CCDC152: variants seen among roughly 807,000 people sequenced by gnomAD.
CCDC152 encodes the protein coiled-coil domain containing 152.
Under a neutral mutation model 38.1 loss-of-function variants are expected in CCDC152, and 37 were observed. The ratio of observed to expected loss-of-function variants is 0.97; its 90% CI spans 0.75 to 1.28. CCDC152 has a LOEUF of 1.28. CCDC152 is among the 50% of genes most tolerant of loss of function. The probability of loss-of-function intolerance (pLI) is 0.00; values close to 1 mark genes in which losing one functional copy is unlikely to be tolerated. For missense variants in CCDC152, 259 were observed against 292.1 expected, an observed-to-expected ratio of 0.89 and a Z score of 0.83; for synonymous variants, 83 against 87.1, an observed-to-expected ratio of 0.95 and a Z score of 0.26.
intron 6 of CCDC152, among the ~76,000 whole-genome samples, chr5:42,795,290 G>C (rs540136095): frequency 5.3e-5 from 8 of 152,306 alleles, no homozygotes; most frequent in African/African-American, 1.9e-4. Flanking sequence ...AAAGCAAGAA[G>C]CAGTTCTAGA....
chr5:42,791,336 T>C (rs1012061880), intron 6 of CCDC152, among the ~76,000 whole-genome samples: 6 of 152,248 alleles, frequency 3.9e-5, no homozygotes, highest in African/African-American at 1.4e-4. Context: ...AGTTAAGCAC[T>C]ATCATCTGGC....
intron 4 of CCDC152, among the ~76,000 whole-genome samples, chr5:42,773,337 A>C (rs1265856884): frequency 6.6e-6 from 1 of 152,184 alleles, no homozygotes; most frequent in Admixed American, 6.5e-5. Flanking sequence ...ATTCTTATTT[A>C]TCTTTATTTT....
chr5:42,778,574 A>C (rs1485630769), intron 4 of CCDC152, among the ~76,000 whole-genome samples: 1 of 152,222 alleles, frequency 6.6e-6, no homozygotes, highest in East Asian at 1.9e-4. Flanking sequence ...TACCCAAACC[A>C]AAAACCTAAA....
chr5:42,787,770 C>A (rs1759942076), intron 6 of CCDC152, among the ~76,000 whole-genome samples: 1 of 152,006 alleles, frequency 6.6e-6, no homozygotes, highest in African/African-American at 2.4e-5. Context: ...AGAATATCAA[C>A]CCCTGTTCTT....
At chr5:42,797,116 C>G (rs1760086570) in intron 7 of CCDC152, among the ~76,000 whole-genome samples, 160 bp downstream of exon 7, 1 of 152,238 alleles carries the variant, frequency 6.6e-6, no homozygotes, top group Non-Finnish European at 1.5e-5. Flanking sequence ...GCAGTAATCA[C>G]ATACCATACA....
intron 6 of CCDC152, among the ~76,000 whole-genome samples, chr5:42,786,208 T>G (rs1250002226): frequency 6.6e-6 from 1 of 152,140 alleles, no homozygotes; most frequent in Non-Finnish European, 1.5e-5. Flanking sequence ...TCTTTGTACA[T>G]CTGGTAGAAT....
Position 42,796,869 on chromosome 5 carries a change from A to G in CCDC152, c.471A>G (p.Lys157=), listed in dbSNP as rs1760082564. ...NEEKHKELIE[K]KEMEISELNA... ...AAAAGCACAAAGAACTAATAGAGAA[A>G]AAGGAGATGGAAATTTCAGAGTTAA... is the stretch of plus-strand genomic sequence containing the variant. The change falls in exon 7 of 9, where the codon AAA becomes AAG. Residue 157 remains lysine, a synonymous_variant. Coordinates refer to ENST00000361970, the MANE Select transcript of CCDC152 (RefSeq NM_001134848.2). 6.6e-7 allele frequency: 1 copy of G among 1,526,292 alleles called. No individual in the cohort carries two copies. The highest frequency in any genetic ancestry group is 8.8e-7 in the Non-Finnish European group (1 of 1,138,304). 94.5% of individuals were successfully genotyped at this position (1,526,292 alleles called of 1,614,324 possible). A position where few individuals can be genotyped will look rare whatever the true frequency, so the allele number is the denominator to read the frequency against.
At chr5:42,796,657 A>G (rs1481467906) in intron 6 of CCDC152, among the ~76,000 whole-genome samples, 172 bp from the exon 7 acceptor site, 1 of 152,214 alleles carries the variant, frequency 6.6e-6, no homozygotes, top group Admixed American at 6.5e-5. Context: ...AACATTATTC[A>G]GGGTCTTGTA....
At chr5:42,771,755 T>C (rs1242104276) in intron 4 of CCDC152, among the ~76,000 whole-genome samples, 2 of 151,884 alleles carry the variant, frequency 1.3e-5, no homozygotes, top group Non-Finnish European at 2.9e-5. Flanking sequence ...AATAAGGAGA[T>C]TGAGTAAATA....
In CCDC152 at chr5:42,800,507, A is replaced by C; in HGVS notation, c.*726A>C. On this transcript the variant is annotated 3_prime_UTR_variant, in exon 9 of 9. Transcript: ENST00000361970. ...AAAAGACATATTAACCAAAAGCTGC[A>C]ATCACCTTTCAGTTGCTCCATCATA... 1 of 523,648 alleles carries C rather than the reference A, an allele frequency of 1.9e-6. No homozygotes were observed. Among genetic ancestry groups the C allele is most frequent in the Non-Finnish European group, 3.2e-6 (1 of 310,582 alleles). The allele number at this position is 523,648 out of a possible 1,614,324, so 32.4% of individuals were successfully genotyped here. A position where few individuals can be genotyped will look rare whatever the true frequency, so the allele number is the denominator to read the frequency against.
Position 42,801,086 on chromosome 5 carries a change from G to T in CCDC152, c.*1305G>T, listed in dbSNP as rs779849794. 1.1e-5 allele frequency: 17 copies of T among 1,614,102 alleles called. No homozygotes were observed. The Admixed American group carries it at 1.3e-4, about 13-fold the overall frequency. ...AATCTTCACTTGCTGGCATATCTCG[G>T]TTCTCTGGGTGACCCTGCCTATGCT... On this transcript the variant is annotated 3_prime_UTR_variant, in exon 9 of 9. Coordinates refer to ENST00000361970, the MANE Select transcript of CCDC152 (RefSeq NM_001134848.2).
At chr5:42,770,458 A>G (rs1360695798) in intron 4 of CCDC152, among the ~76,000 whole-genome samples, 2 of 151,174 alleles carry the variant, frequency 1.3e-5, no homozygotes, top group Admixed American at 1.3e-4. Flanking sequence ...AAAATACCAC[A>G]CCCAGCTGGG....
At chr5:42,778,571 A>T (rs1759798194) in intron 4 of CCDC152, among the ~76,000 whole-genome samples, 1 of 152,158 alleles carries the variant, frequency 6.6e-6, no homozygotes, top group African/African-American at 2.4e-5. Context: ...AGTTACCCAA[A>T]CCAAAAACCT....
chr5:42,795,271 G>A (rs1289854444), intron 6 of CCDC152, among the ~76,000 whole-genome samples: 1 of 152,154 alleles, frequency 6.6e-6, no homozygotes, highest in Non-Finnish European at 1.5e-5. Flanking sequence ...ATTGGACAAA[G>A]TATACTTTAA....
chr5:42,769,609 T>G lies in CCDC152; in HGVS notation c.206T>G (p.Leu69Arg), dbSNP rs567127003. 33 of 1,493,130 alleles carry G rather than the reference T, an allele frequency of 2.2e-5. No individual in the cohort carries two copies. In the South Asian group the frequency reaches 4.4e-4, roughly 20 times the overall value. 92.5% of individuals were successfully genotyped at this position (1,493,130 alleles called of 1,614,324 possible). A position where few individuals can be genotyped will look rare whatever the true frequency, so the allele number is the denominator to read the frequency against. ...EVSIKEECAT[L>R]HNIIKGLQQT... Reference sequence around the variant, plus strand: ...TTTTATATTTCAGAATGTGCTACTCTTCATAATATAATAAAAGGGCTACAA... The same window carrying G: ...TTTTATATTTCAGAATGTGCTACTCGTCATAATATAATAAAAGGGCTACAA... The change falls in exon 4 of 9, where the codon CTT becomes CGT. Residue 69 changes from leucine (L) to arginine (R), a missense_variant. Transcript: ENST00000361970.
At chr5:42,779,020 A>G (rs539259576) in intron 4 of CCDC152, among the ~76,000 whole-genome samples, 13 of 152,240 alleles carry the variant, frequency 8.5e-5, no homozygotes, top group African/African-American at 3.1e-4. Flanking sequence ...TTTCCAAGCT[A>G]TATTCACTCA....
Position 42,790,939 on chromosome 5 carries a change from C to T in CCDC152, c.431-5890C>T, listed in dbSNP as rs774982382. Among the ~76,000 whole-genome samples the T allele has an allele frequency of 2.8e-4, 43 of 152,058 alleles. 1 individual carries two copies. The highest frequency in any genetic ancestry group is 1.0e-3 in the African/African-American group (43 of 41,394). ...CATTTTCATGGCTACAACACTCCAC[C>T]TACTGTACTACACAGAGTTACTTCT... is the stretch of plus-strand genomic sequence containing the variant. On this transcript the variant is annotated intron_variant, in intron 6 of 8. Transcript: ENST00000361970.
At chr5:42,776,422 G>A (rs1759769303) in intron 4 of CCDC152, among the ~76,000 whole-genome samples, 1 of 152,024 alleles carries the variant, frequency 6.6e-6, no homozygotes, top group Admixed American at 6.5e-5. Flanking sequence ...TCTAGCAAAG[G>A]CATCAAAAAT....
intron 1 of CCDC152, 41 bp from the exon 2 acceptor site, chr5:42,759,079 T>G (rs1410983514): frequency 7.6e-7 from 1 of 1,318,560 alleles, no homozygotes; most frequent in African/African-American, 1.5e-5. Flanking sequence ...CTTTAGATCT[T>G]ATTTATTTAT....
Sources: gnomAD v4.1 joint callset for allele counts (sites outside exome capture counted in the v4.1 genomes callset) on GRCh38, gnomAD v4.1.1 for gene constraint, MANE v1.5 for transcripts, NCBI Gene and HGNC (gene_info 2026-07-23, HGNC 2026-07-21) for gene names.